Variants in MEGF11 observed in about 807,000 individuals in gnomAD.
The protein encoded by MEGF11 is multiple EGF like domains 11.
A neutral mutation model predicts 146.6 loss-of-function variants in MEGF11; 126 were observed. The ratio of observed to expected loss-of-function variants is 0.86; its 90% CI spans 0.74 to 1.00. MEGF11 has a LOEUF of 1.00. MEGF11 is among the 50% of genes least tolerant of loss of function. The pLI is 0.00. For synonymous variants in MEGF11, 532 were observed against 583.4 expected, an observed-to-expected ratio of 0.91 and a Z score of 1.27; for missense variants, 1,509 against 1,521.2, an observed-to-expected ratio of 0.99 and a Z score of 0.13.
At chr15:66,075,657 G>A (rs773431758) in intron 5 of MEGF11, among the ~76,000 whole-genome samples, 14 of 152,206 alleles carry the variant, frequency 9.2e-5, no homozygotes, top group Admixed American at 5.9e-4. Flanking sequence ...ACAGAGTGAA[G>A]CCAGATCTCA....
At chr15:65,956,981 T>C (rs1000133671) in intron 10 of MEGF11, among the ~76,000 whole-genome samples, 1 of 152,218 alleles carries the variant, frequency 6.6e-6, no homozygotes, top group Non-Finnish European at 1.5e-5. Context: ...AAATATATTA[T>C]GCCCACTGAC....
chr15:65,980,384 G>A, intron 7 of MEGF11, among the ~76,000 whole-genome samples: 1 of 135,380 alleles, frequency 7.4e-6, no homozygotes, highest in African/African-American at 2.7e-5. Flanking sequence ...CAGAGTGGGA[G>A]AAGAATTCAG....
chr15:66,200,049 C>A (rs2091112554), intron 1 of MEGF11, among the ~76,000 whole-genome samples: 1 of 152,226 alleles, frequency 6.6e-6, no homozygotes, highest in Non-Finnish European at 1.5e-5. Flanking sequence ...ATATACAAAT[C>A]TGTATACGGT....
At chr15:65,954,476 C>G (rs958428362) in intron 10 of MEGF11, among the ~76,000 whole-genome samples, 2 of 152,178 alleles carry the variant, frequency 1.3e-5, no homozygotes, top group East Asian at 3.8e-4. Flanking sequence ...ATGAACTGTT[C>G]TGTAATCACC....
intron 19 of MEGF11, among the ~76,000 whole-genome samples, chr15:65,915,133 C>T (rs1375127536): frequency 1.3e-5 from 2 of 152,224 alleles, no homozygotes; most frequent in Non-Finnish European, 2.9e-5. Flanking sequence ...AATCAAATAA[C>T]CTACCCAAGG....
chr15:66,106,718 C>A (rs1362303064), intron 4 of MEGF11, among the ~76,000 whole-genome samples: 1 of 152,174 alleles, frequency 6.6e-6, no homozygotes, highest in East Asian at 1.9e-4. Context: ...AGCCTCCACA[C>A]ATGCAGACTC....
chr15:66,113,215 C>A (rs1021795699), intron 4 of MEGF11, among the ~76,000 whole-genome samples: 1 of 152,108 alleles, frequency 6.6e-6, no homozygotes, highest in Non-Finnish European at 1.5e-5. Context: ...GTGCAGACCA[C>A]CTCCTAGGGT....
chr15:65,914,849 G>A (rs2078937996), intron 19 of MEGF11, among the ~76,000 whole-genome samples: 1 of 152,180 alleles, frequency 6.6e-6, no homozygotes. Flanking sequence ...ACATTATAAA[G>A]GCTTTTATAT....
At chr15:66,188,290 TCTTTCCTGTAA>T (rs1301817466) in intron 1 of MEGF11, among the ~76,000 whole-genome samples, 1 of 152,158 alleles carries the variant, frequency 6.6e-6, no homozygotes, top group Non-Finnish European at 1.5e-5. Context: ...ACTGTTTTTA[TCTTTCCTGTAA>T]CTTTCCTGTA....
chr15:66,217,376 C>A (rs1210966504), intron 1 of MEGF11, among the ~76,000 whole-genome samples: 1 of 152,184 alleles, frequency 6.6e-6, no homozygotes, highest in Non-Finnish European at 1.5e-5. Context: ...GGAGATGGGC[C>A]CCTTTGGATG....
At chr15:66,187,713 G>C (rs2090749099) in intron 1 of MEGF11, among the ~76,000 whole-genome samples, 1 of 152,216 alleles carries the variant, frequency 6.6e-6, no homozygotes, top group Non-Finnish European at 1.5e-5. Context: ...CCAGGGTCGT[G>C]GGGCTTGATC....
intron 10 of MEGF11, among the ~76,000 whole-genome samples, chr15:65,946,773 A>G (rs1412745782): frequency 6.6e-6 from 1 of 152,038 alleles, no homozygotes; most frequent in Non-Finnish European, 1.5e-5. Context: ...TTTTGTCACA[A>G]CCCTGCTCGA....
chr15:66,180,148 T>A (rs1313273736), intron 1 of MEGF11, among the ~76,000 whole-genome samples: 2 of 152,228 alleles, frequency 1.3e-5, no homozygotes, highest in Non-Finnish European at 2.9e-5. Context: ...AGTCATCTTC[T>A]GCACTCTGAG....
chr15:65,984,921 A>C (rs915207158), intron 5 of MEGF11, among the ~76,000 whole-genome samples: 1 of 152,046 alleles, frequency 6.6e-6, no homozygotes, highest in South Asian at 2.1e-4. Context: ...GGCGCCTGCC[A>C]CCACGCCTGG....
At chr15:66,220,181 C>T (rs2091696582) in intron 1 of MEGF11, among the ~76,000 whole-genome samples, 1 of 152,078 alleles carries the variant, frequency 6.6e-6, no homozygotes, top group African/African-American at 2.4e-5. Context: ...CCTCCAGTAC[C>T]TTGATTTCAC....
intron 21 of MEGF11, among the ~76,000 whole-genome samples, chr15:65,910,228 C>T (rs1367064627): frequency 6.6e-6 from 1 of 152,146 alleles, no homozygotes; most frequent in African/African-American, 2.4e-5. Context: ...CCACCTGATC[C>T]TGATTGGGGC....
chr15:65,916,795 T>C, intron 17 of MEGF11, 33 bp downstream of exon 17: 3 of 1,608,850 alleles, frequency 1.9e-6, no homozygotes, highest in Non-Finnish European at 2.5e-6. Context: ...CATGGTATTC[T>C]AAGTGGCTGG....
intron 20 of MEGF11, 62 bp downstream of exon 20, chr15:65,913,675 C>G (rs1256957840): frequency 7.7e-6 from 11 of 1,437,858 alleles, no homozygotes; most frequent in Non-Finnish European, 1.1e-5. Context: ...ACAGGCACAA[C>G]CATTCCTGGG....
chr15:65,983,006 A>G (rs1050118812), intron 5 of MEGF11, among the ~76,000 whole-genome samples: 1 of 151,440 alleles, frequency 6.6e-6, no homozygotes, highest in Non-Finnish European at 1.5e-5. Flanking sequence ...CCTCTTCCCC[A>G]CACGCATTGG....
Sources: gnomAD v4.1 joint callset for allele counts (sites outside exome capture counted in the v4.1 genomes callset) on GRCh38, gnomAD v4.1.1 for gene constraint, MANE v1.5 for transcripts, NCBI Gene and HGNC (gene_info 2026-07-23, HGNC 2026-07-21) for gene names.